The following CELF2 variants were observed in gnomAD, a reference collection of about 807,000 sequenced individuals.
The protein encoded by CELF2 is CUGBP Elav-like family member 2.
In CELF2, 8 loss-of-function variants were observed where a neutral mutation model predicts 62.6. The ratio of observed to expected loss-of-function variants is 0.13; its 90% CI spans 0.07 to 0.23. CELF2 has a LOEUF of 0.23. Among genes scored for constraint, CELF2 ranks in the 10% least tolerant of loss-of-function variants. The pLI is 1.00. For missense variants in CELF2, 333 were observed against 671.0 expected, an observed-to-expected ratio of 0.50 and a Z score of 5.56; for synonymous variants, 258 against 250.0, an observed-to-expected ratio of 1.03 and a Z score of -0.30.
At chr10:10,633,823 G>A in the CELF2 span, among the ~76,000 whole-genome samples, 1 of 151,862 alleles carries the variant, frequency 6.6e-6, no homozygotes, top group Non-Finnish European at 1.5e-5. Flanking sequence ...ATTATTTAAT[G>A]AATATTATAT....
chr10:10,983,865 G>A lies in CELF2; in HGVS notation c.89+63866G>A, dbSNP rs117937121. ...CAGGCATGAGCTACCACGCCTGGCC[G>A]ATATATCTGTTATTAATGTAGGTTT... is the stretch of plus-strand genomic sequence containing the variant. On this transcript the variant is annotated intron_variant, in intron 2 of 13. Coordinates refer to the CELF2 transcript ENST00000636488. The surrounding 1 kb of genome is among the most constrained non-coding windows in gnomAD (Gnocchi z 5.2). Among the ~76,000 whole-genome samples, 1,469 of 152,244 alleles carry A rather than the reference G, an allele frequency of 9.6e-3. 58 individuals carry two copies. In the East Asian group the frequency reaches 0.16, roughly 16 times the overall value.
At chr10:10,840,060 A>G (rs2132483134) in intron 1 of CELF2, among the ~76,000 whole-genome samples, 1 of 152,274 alleles carries the variant, frequency 6.6e-6, no homozygotes, top group Middle Eastern at 3.4e-3. Context: ...ATCACTGAAT[A>G]GTGTTCCTTT....
the CELF2 span, among the ~76,000 whole-genome samples, chr10:10,501,560 C>T: frequency 1.5e-3 from 230 of 152,174 alleles, 3 homozygotes; most frequent in East Asian, 0.04. Context: ...TAGCAATTGA[C>T]AGTGATATTG....
At chr10:10,598,129 C>T in the CELF2 span, among the ~76,000 whole-genome samples, 1 of 152,116 alleles carries the variant, frequency 6.6e-6, no homozygotes, top group African/African-American at 2.4e-5. Flanking sequence ...GAGTTGGGGT[C>T]CTTCCTAAGG....
chr10:11,244,516 G>A lies in CELF2; in HGVS notation c.355-4637G>A, dbSNP rs1007533649. 4.6e-5 allele frequency among the ~76,000 whole-genome samples: 7 copies of A among 152,062 alleles called. No homozygotes were observed. Among genetic ancestry groups the A allele is most frequent in the East Asian group, 1.9e-4 (1 of 5,178 alleles). ...AAAATACAAAGAAAATTAGTTGGGC[G>A]TGGTGGCGGGCGCCTGTAGTCCCAG... On this transcript the variant is annotated intron_variant, in intron 3 of 12. Transcript: ENST00000633077. The surrounding 1 kb of genome is among the most constrained non-coding windows in gnomAD (Gnocchi z 4.2).
At chr10:10,909,415 A>G (rs1201683017) in intron 1 of CELF2, among the ~76,000 whole-genome samples, 1 of 152,124 alleles carries the variant, frequency 6.6e-6, no homozygotes, top group Non-Finnish European at 1.5e-5. Flanking sequence ...TTATCTCTTC[A>G]TCTTTTCCAT....
the CELF2 span, among the ~76,000 whole-genome samples, chr10:10,489,267 C>G: frequency 6.6e-6 from 1 of 152,050 alleles, no homozygotes; most frequent in Non-Finnish European, 1.5e-5. Flanking sequence ...CTTAGAGAGT[C>G]CAGATATGTT....
chr10:10,745,144 T>A, the CELF2 span, among the ~76,000 whole-genome samples: 1 of 147,384 alleles, frequency 6.8e-6, no homozygotes, highest in African/African-American at 2.5e-5. Flanking sequence ...AAAAAAAAAC[T>A]ATGATAAAAA....
intron 1 of CELF2, among the ~76,000 whole-genome samples, chr10:11,102,548 G>A (rs986842342): frequency 2.6e-5 from 4 of 152,208 alleles, no homozygotes; most frequent in Non-Finnish European, 4.4e-5. Context: ...ATGGAGATGT[G>A]TGTGATTTGT....
At chr10:11,076,089 G>GT (rs1188124417) in intron 1 of CELF2, among the ~76,000 whole-genome samples, 3 of 151,990 alleles carry the variant, frequency 2.0e-5, no homozygotes, top group Non-Finnish European at 4.4e-5. Context: ...TTTGTTGTTT[G>GT]TTTTTTAGAG....
chr10:10,639,995 A>G, the CELF2 span, among the ~76,000 whole-genome samples: 3 of 152,090 alleles, frequency 2.0e-5, no homozygotes, highest in African/African-American at 7.2e-5. Flanking sequence ...ATCTAATACT[A>G]CCTGTTGACA....
intron 2 of CELF2, among the ~76,000 whole-genome samples, chr10:10,999,471 C>T (rs538659310): frequency 1.2e-4 from 18 of 152,296 alleles, no homozygotes; most frequent in African/African-American, 4.1e-4. Context: ...CATGGAAGCA[C>T]ACATTTGTAG....
At chr10:11,067,848 C>T (rs941019034) in intron 1 of CELF2, among the ~76,000 whole-genome samples, 3 of 152,120 alleles carry the variant, frequency 2.0e-5, no homozygotes, top group Non-Finnish European at 2.9e-5. Context: ...CCCACTTTCC[C>T]GTCTGTAAAG....
rs994360589 is a variant in CELF2, at chr10:11,292,446, G to A, written c.976+3894G>A. 6.6e-5 allele frequency among the ~76,000 whole-genome samples: 10 copies of A among 152,186 alleles called. No individual in the cohort carries two copies. The South Asian group carries it at 8.3e-4, about 13-fold the overall frequency. On this transcript the variant is annotated intron_variant, in intron 9 of 12. Coordinates refer to ENST00000633077, the MANE Select transcript of CELF2 (RefSeq NM_001326342.2). ...CTTTCCATTGACAGGGGGCTTTGTC[G>A]CCACCTTCAATAGATGTCTGCATTT...
At chr10:10,566,219 C>A in the CELF2 span, among the ~76,000 whole-genome samples, 1 of 151,872 alleles carries the variant, frequency 6.6e-6, no homozygotes, top group African/African-American at 2.4e-5. Context: ...AAAATGTGAA[C>A]CATAATCTCT....
intron 1 of CELF2, among the ~76,000 whole-genome samples, chr10:10,875,061 C>G (rs1021853515): frequency 1.3e-5 from 2 of 152,184 alleles, no homozygotes; most frequent in African/African-American, 2.4e-5. Context: ...AAGAAACTGT[C>G]TAGCTTATAT....
the CELF2 span, among the ~76,000 whole-genome samples, chr10:10,541,897 C>T: frequency 1.3e-5 from 2 of 152,218 alleles, no homozygotes; most frequent in African/African-American, 2.4e-5. Context: ...GACCCAACTC[C>T]TATTCAAGAT....
intron 1 of CELF2, among the ~76,000 whole-genome samples, chr10:10,852,920 T>G (rs2059474803): frequency 6.6e-6 from 1 of 152,230 alleles, no homozygotes; most frequent in South Asian, 2.1e-4. Flanking sequence ...AACACAGGGT[T>G]AACATTCAAT....
chr10:10,964,149 G>A (rs187284643), intron 2 of CELF2, among the ~76,000 whole-genome samples: 94 of 152,314 alleles, frequency 6.2e-4, no homozygotes, highest in Admixed American at 2.7e-3. Context: ...TATTGGACAA[G>A]TTTGTAGTTA....
Sources: allele counts gnomAD v4.1 joint callset (sites outside exome capture counted in the v4.1 genomes callset), GRCh38; gene constraint gnomAD v4.1.1; non-coding constraint Gnocchi (gnomAD v3.1); transcripts MANE v1.5; gene names NCBI Gene and HGNC (gene_info 2026-07-23, HGNC 2026-07-21).